BABAM2: variants seen among roughly 807,000 people sequenced by gnomAD.
BABAM2 encodes the protein BRISC and BRCA1 A complex member 2.
A neutral mutation model predicts 54.7 loss-of-function variants in BABAM2; 31 were observed. That is an observed-to-expected ratio of 0.57 (90% CI 0.43 to 0.77). BABAM2 has a LOEUF of 0.77. Among genes scored for constraint, BABAM2 ranks in the 30% least tolerant of loss-of-function variants. BABAM2 has a pLI of 0.00. For synonymous variants in BABAM2, 167 were observed against 162.9 expected, an observed-to-expected ratio of 1.03 and a Z score of -0.19; for missense variants, 364 against 455.8, an observed-to-expected ratio of 0.80 and a Z score of 1.83.
intron 7 of BABAM2, among the ~76,000 whole-genome samples, chr2:28,152,497 G>C (rs987189222): frequency 2.6e-5 from 4 of 152,192 alleles, no homozygotes; most frequent in African/African-American, 9.7e-5. Context: ...TGCAGGAGCT[G>C]ATAACGGGAA....
chr2:28,184,946 A>G (rs778889746), intron 7 of BABAM2, among the ~76,000 whole-genome samples: 27 of 152,084 alleles, frequency 1.8e-4, no homozygotes, highest in Non-Finnish European at 3.7e-4. Flanking sequence ...TATCTTGATA[A>G]TTTTTTTCTT....
chr2:28,212,552 T>C lies in BABAM2; in HGVS notation c.681-24650T>C, dbSNP rs906781335. Among the ~76,000 whole-genome samples, 80 of 152,344 alleles carry C rather than the reference T, an allele frequency of 5.3e-4. 2 individuals are homozygous for C. The highest frequency in any genetic ancestry group is 1.9e-3 in the African/African-American group (78 of 41,592). On this transcript the variant is annotated intron_variant, in intron 7 of 11. Coordinates refer to ENST00000379624, the MANE Select transcript of BABAM2 (RefSeq NM_199191.3). ...ACATTTATCAGATAATATGAGCGTG[T>C]ATTCTAAAAATATAATATTTCTAGT...
chr2:27,988,522 C>A (rs1195306930), intron 4 of BABAM2, among the ~76,000 whole-genome samples: 1 of 152,076 alleles, frequency 6.6e-6, no homozygotes. Context: ...GGACTTGTAT[C>A]CGCATTATCT....
chr2:28,327,548 C>T (rs1457115605), intron 11 of BABAM2: 1 of 1,331,928 alleles, frequency 7.5e-7, no homozygotes, highest in Non-Finnish European at 1.0e-6. Context: ...TTGAAGTCCT[C>T]CTAAAACGGC....
At chr2:28,185,858 C>T (rs1432802804) in intron 7 of BABAM2, among the ~76,000 whole-genome samples, 1 of 151,974 alleles carries the variant, frequency 6.6e-6, no homozygotes, top group African/African-American at 2.4e-5. Flanking sequence ...TCACTTGAGC[C>T]CAGGAATCGT....
At chr2:27,933,453 T>G (rs1573201669) in intron 3 of BABAM2, among the ~76,000 whole-genome samples, 1 of 151,368 alleles carries the variant, frequency 6.6e-6, no homozygotes, top group Non-Finnish European at 1.5e-5. Flanking sequence ...AAAGATGAGT[T>G]TTTTTTTTAA....
At chr2:28,194,015 T>C (rs576066745) in intron 7 of BABAM2, among the ~76,000 whole-genome samples, 47 of 151,980 alleles carry the variant, frequency 3.1e-4, no homozygotes, top group African/African-American at 1.0e-3. Context: ...GTAACCAAAT[T>C]TGGGGGGTCA....
At chr2:28,273,072 G>C (rs1685560969) in intron 10 of BABAM2, among the ~76,000 whole-genome samples, 1 of 152,294 alleles carries the variant, frequency 6.6e-6, no homozygotes, top group South Asian at 2.1e-4. Flanking sequence ...ACATGGAGCT[G>C]ATACGACGTC....
intron 7 of BABAM2, among the ~76,000 whole-genome samples, chr2:28,181,783 AAT>A (rs1675654866): frequency 1.3e-5 from 2 of 151,210 alleles, no homozygotes; most frequent in Non-Finnish European, 3.0e-5. Flanking sequence ...GCACCAATAA[AAT>A]TTTTTTTTTA....
At chr2:27,992,155 G>A (rs1341717700) in intron 4 of BABAM2, among the ~76,000 whole-genome samples, 1 of 152,038 alleles carries the variant, frequency 6.6e-6, no homozygotes, top group East Asian at 1.9e-4. Context: ...ATCTTTTCAT[G>A]TGCCTATTGG....
chr2:28,286,015 G>C (rs1390251946), intron 10 of BABAM2, among the ~76,000 whole-genome samples: 6 of 151,100 alleles, frequency 4.0e-5, no homozygotes, highest in Admixed American at 4.0e-4. Flanking sequence ...GAGTGCAGTG[G>C]TACAATCTCG....
intron 2 of BABAM2, among the ~76,000 whole-genome samples, chr2:27,908,022 G>A (rs1666308710): frequency 6.6e-6 from 1 of 152,038 alleles, no homozygotes; most frequent in African/African-American, 2.4e-5. Flanking sequence ...TCAGTTTTTT[G>A]CGTATATACC....
intron 10 of BABAM2, among the ~76,000 whole-genome samples, chr2:28,282,927 G>A (rs879448901): frequency 6.8e-6 from 1 of 147,626 alleles, no homozygotes; most frequent in Non-Finnish European, 1.5e-5. Context: ...GAACCCAGGA[G>A]GCAGAGGTTG....
chr2:28,306,067 C>A (rs7567532), intron 11 of BABAM2, among the ~76,000 whole-genome samples: 33,681 of 151,800 alleles, frequency 0.22, 4,606 homozygotes, highest in East Asian at 0.62. Flanking sequence ...TATATTAATT[C>A]GGTTTTGGTC....
chr2:28,158,752 G>A (rs558864273), intron 7 of BABAM2, among the ~76,000 whole-genome samples: 1 of 152,306 alleles, frequency 6.6e-6, no homozygotes, highest in Non-Finnish European at 1.5e-5. Flanking sequence ...GCTTTTGCCT[G>A]CATTATTGTT....
intron 7 of BABAM2, among the ~76,000 whole-genome samples, chr2:28,176,665 A>T (rs1489842657): frequency 6.7e-6 from 1 of 150,366 alleles, no homozygotes; most frequent in Non-Finnish European, 1.5e-5. Flanking sequence ...CAGGATGTGA[A>T]TGTGAAATTT....
At chr2:27,895,287 C>CT (rs1447979153) in intron 2 of BABAM2, among the ~76,000 whole-genome samples, 2 of 152,048 alleles carry the variant, frequency 1.3e-5, no homozygotes, top group Non-Finnish European at 2.9e-5. Flanking sequence ...CCATTAATGC[C>CT]TTTTTTGTTC....
chr2:28,153,041 C>T (rs1249754792), intron 7 of BABAM2, among the ~76,000 whole-genome samples: 1 of 152,120 alleles, frequency 6.6e-6, no homozygotes, highest in Non-Finnish European at 1.5e-5. Context: ...GTGGTAATCA[C>T]TTGAGCAGTT....
chr2:28,260,299 CTTT>C (rs965855673), intron 10 of BABAM2, among the ~76,000 whole-genome samples: 7 of 120,422 alleles, frequency 5.8e-5, no homozygotes, highest in Admixed American at 1.7e-4. Flanking sequence ...TATTTCTTTT[CTTT>C]TTTTTTTTTT....
Sources: allele counts gnomAD v4.1 joint callset (sites outside exome capture counted in the v4.1 genomes callset), GRCh38; gene constraint gnomAD v4.1.1; transcripts MANE v1.5; gene names NCBI Gene and HGNC (gene_info 2026-07-23, HGNC 2026-07-21).